The following ICA1 variants were observed in gnomAD, a reference collection of about 807,000 sequenced individuals.
ICA1 encodes the protein 69 kDa islet cell autoantigen.
ICA1 carries 40 observed loss-of-function variants against 71.0 expected under a neutral mutation model. That is an observed-to-expected ratio of 0.56 (90% CI 0.44 to 0.73). The LOEUF (loss-of-function observed/expected upper bound fraction) is 0.73, where lower values mean the gene tolerates loss of function less well. ICA1 is among the 30% of genes least tolerant of loss of function. The pLI is 0.00. For missense variants in ICA1, 578 were observed against 576.5 expected (o/e 1.00, Z -0.03); for synonymous variants, 207 against 209.5 (o/e 0.99, Z 0.10).
chr7:8,218,400 A>G lies in ICA1; in HGVS notation c.484T>C (p.Cys162Arg), dbSNP rs776544773. 1.9e-6 allele frequency: 3 copies of G among 1,614,036 alleles called. No individual in the cohort carries two copies. Among genetic ancestry groups the G allele is most frequent in the Non-Finnish European group, 1.7e-6 (2 of 1,179,998 alleles). ...AGTGCTCCTCTATATTCCGTCCTGCACTGTTCCATGCGGTTCACCGTCAGC... is the reference window on the plus strand; with the variant it reads ...AGTGCTCCTCTATATTCCGTCCTGCGCTGTTCCATGCGGTTCACCGTCAGC... ...TWLTVNRMEQ[C>R]RTEYRGALLW... Residue 162 changes from cysteine (C) to arginine (R), a missense_variant, in exon 6 of 14, where the codon TGC (cysteine) becomes CGC (arginine). Physicochemically the swap from Cys to Arg is radical, Grantham distance 180. Coordinates refer to ENST00000402384, the MANE Select transcript of ICA1 (RefSeq NM_001136020.3).
rs866995525 is a variant in ICA1 at position 8,170,090 on chromosome 7, T to G, written c.580-11438A>C. Among the ~76,000 whole-genome samples the G allele has an allele frequency of 3.3e-5, 5 of 152,184 alleles. No homozygotes were observed. The South Asian group carries it at 6.2e-4, about 19-fold the overall frequency. On this transcript the variant is annotated intron_variant, in intron 6 of 13. Transcript: ENST00000402384. Reference sequence around the variant, plus strand: ...GTGGGACAAAGATGTAGGCTCATTTTGTTTTTCCTCAATACGGATACCCAA... The same window carrying G: ...GTGGGACAAAGATGTAGGCTCATTTGGTTTTTCCTCAATACGGATACCCAA...
chr7:8,122,032 T>G, intron 13 of ICA1, among the ~76,000 whole-genome samples: 1 of 152,132 alleles, frequency 6.6e-6, no homozygotes. Context: ...CAAGGAAGGC[T>G]CCTCAGTGAG....
intron 1 of ICA1, among the ~76,000 whole-genome samples, chr7:8,242,206 A>G (rs931399562): frequency 1.3e-5 from 2 of 152,234 alleles, no homozygotes; most frequent in African/African-American, 4.8e-5. Flanking sequence ...ACAAGTCACA[A>G]CAAACTGTCT....
rs112044182 is a variant in ICA1, at chr7:8,242,427, G to GA, written c.-79-6423dup. Among the ~76,000 whole-genome samples, 695 of 152,282 alleles carry GA rather than the reference G, an allele frequency of 4.6e-3. 7 individuals carry two copies. Among genetic ancestry groups the GA allele is most frequent in the African/African-American group, 0.016 (676 of 41,554 alleles). On this transcript the variant is annotated intron_variant, in intron 1 of 13. Coordinates refer to ENST00000402384, the MANE Select transcript of ICA1 (RefSeq NM_001136020.3). Reference sequence around the variant, plus strand: ...ACACATTTAAAGCAGTGTATAGAGGGAAATTTATAGCACTAAGTGCCCACA... The same window carrying GA: ...ACACATTTAAAGCAGTGTATAGAGGGAAAATTTATAGCACTAAGTGCCCACA...
At position 8,222,465 on chromosome 7, in the gene ICA1, A is replaced by C. The variant is rs536341620; in HGVS notation, c.257-1067T>G. Among the ~76,000 whole-genome samples, 1 of 152,204 alleles carries C rather than the reference A, an allele frequency of 6.6e-6. No homozygotes were observed. The highest frequency in any genetic ancestry group is 1.5e-5 in the Non-Finnish European group (1 of 68,036). ...TCTCTAAAACTGCTTTCTAAATGCT[A>C]CTAGGATTCTTGTCAGCTTTCACAA... On this transcript the variant is annotated intron_variant, in intron 4 of 13. Coordinates refer to ENST00000402384, the MANE Select transcript of ICA1 (RefSeq NM_001136020.3). This position sits in a 1 kb window ranked among gnomAD's most constrained non-coding sequence, Gnocchi z 4.8.
At chr7:8,127,334 G>C (rs1245078240) in intron 13 of ICA1, among the ~76,000 whole-genome samples, 1 of 151,984 alleles carries the variant, frequency 6.6e-6, no homozygotes, top group Non-Finnish European at 1.5e-5. Context: ...TATTTTTTCT[G>C]TGGCTGAGGA....
chr7:8,152,731 C>CTCCTT (rs1562702441), intron 8 of ICA1, among the ~76,000 whole-genome samples: 7 of 149,066 alleles, frequency 4.7e-5, no homozygotes, highest in Non-Finnish European at 1.1e-4. Context: ...ACCATCACCA[C>CTCCTT]CACCACCACA....
chr7:8,169,400 T>C (rs933521212), intron 6 of ICA1, among the ~76,000 whole-genome samples: 10 of 152,264 alleles, frequency 6.6e-5, no homozygotes, highest in African/African-American at 2.2e-4. Context: ...TGCTAAATCA[T>C]ACAGTAAGTG....
At position 8,132,271 on chromosome 7, in the gene ICA1, C is replaced by A. The variant is rs1229414320; in HGVS notation, c.1061-4129G>T. 6.6e-6 allele frequency among the ~76,000 whole-genome samples: 1 copy of A among 152,184 alleles called. No individual in the cohort carries two copies. The highest frequency in any genetic ancestry group is 2.4e-5 in the African/African-American group (1 of 41,440). On this transcript the variant is annotated intron_variant, in intron 12 of 13. Coordinates refer to ENST00000402384, the MANE Select transcript of ICA1 (RefSeq NM_001136020.3). The surrounding 1 kb of genome is among the most constrained non-coding windows in gnomAD (Gnocchi z 4.5). ...GCTCTGTTCCCACCATTATTCAGAT[C>A]CAGCACCTTTAGTCTTTCATTTTCC...
At chr7:8,177,036 ACT>A (rs1412747457) in intron 6 of ICA1, among the ~76,000 whole-genome samples, 1 of 152,028 alleles carries the variant, frequency 6.6e-6, no homozygotes, top group Non-Finnish European at 1.5e-5. Context: ...TTCGTCTACT[ACT>A]CTCTTTCCTT....
At chr7:8,142,129 T>TA (rs910868829) in intron 9 of ICA1, 4 of 665,774 alleles carry the variant, frequency 6.0e-6, no homozygotes, top group Non-Finnish European at 9.0e-6. Context: ...AATTGATAGT[T>TA]AAAAAAACTG....
chr7:8,195,162 C>G (rs1294279132), intron 6 of ICA1, among the ~76,000 whole-genome samples: 1 of 152,134 alleles, frequency 6.6e-6, no homozygotes, highest in African/African-American at 2.4e-5. Context: ...CAAATTAAAA[C>G]AACAATGAGA....
chr7:8,238,269 A>G (rs1350451524), intron 1 of ICA1, among the ~76,000 whole-genome samples: 1 of 152,200 alleles, frequency 6.6e-6, no homozygotes, highest in Non-Finnish European at 1.5e-5. Flanking sequence ...GATGGTATGC[A>G]AGGGTCCCAC....
chr7:8,189,715 G>C (rs1784966808), intron 6 of ICA1, among the ~76,000 whole-genome samples: 2 of 152,050 alleles, frequency 1.3e-5, no homozygotes, highest in South Asian at 2.1e-4. Flanking sequence ...CAGGTGGGCA[G>C]CTGGCTCTGC....
In ICA1 at chr7:8,232,736, G is replaced by A. The variant is rs1800639286; in HGVS notation, c.37C>T (p.Gln13Ter). The change falls in exon 3 of 14, where the codon CAG (glutamine) becomes TAG (stop). Residue 13 changes from glutamine to a stop codon, truncating the protein, a stop_gained. Transcript: ENST00000402384. LOFTEE classifies it high-confidence loss of function. Reference sequence around the variant, plus strand: ...GACTTATCTTGAGCATATCGATCCTGTAAGTCCCAGGGATAACTGCTAAAA... The same window carrying A: ...GACTTATCTTGAGCATATCGATCCTATAAGTCCCAGGGATAACTGCTAAAA... The part of the protein sequence containing the change: ...GHKCSYPWDL[Q>*]DRYAQDKSVV... The A allele has an allele frequency of 1.2e-6, 2 of 1,601,062 alleles. No homozygotes were observed. Among genetic ancestry groups the A allele is most frequent in the East Asian group, 4.5e-5 (2 of 44,334 alleles).
Position 8,128,020 on chromosome 7 carries a change from C to T in ICA1, c.1183G>A (p.Ala395Thr), listed in dbSNP as rs1423942831. ...ACTTGGCCGTCTCCAAACACAGCGGCCCACTCTTTGCTGAACTCGCCCTCT... is the reference window on the plus strand; with the variant it reads ...ACTTGGCCGTCTCCAAACACAGCGGTCCACTCTTTGCTGAACTCGCCCTCT... ...LEEGEFSKEW[A>T]AVFGDGQVKE... The change falls in exon 13 of 14, where the codon GCC becomes ACC. Residue 395 changes from alanine to threonine, a missense_variant. Ala to Thr is a moderately conservative substitution (Grantham distance 58). Transcript: ENST00000402384. The T allele has an allele frequency of 6.2e-7, 1 of 1,614,102 alleles. No homozygotes were observed. Among genetic ancestry groups the T allele is most frequent in the African/African-American group, 1.3e-5 (1 of 74,930 alleles).
chr7:8,127,104 AC>A (rs569111292), intron 13 of ICA1, among the ~76,000 whole-genome samples: 207 of 151,942 alleles, frequency 1.4e-3, no homozygotes, highest in Non-Finnish European at 2.5e-3. Flanking sequence ...CTCCTGAGTA[AC>A]TAGGATTTGG....
At position 8,156,790 on chromosome 7, in the gene ICA1, G is replaced by C. The variant is rs1172357277; in HGVS notation, c.804+326C>G. Reference sequence around the variant, plus strand: ...TCTCCCCTTTAGCAATGTCAAACAAGTATTTTAAAGGAGCAGGACCAATCA... The same window carrying C: ...TCTCCCCTTTAGCAATGTCAAACAACTATTTTAAAGGAGCAGGACCAATCA... On this transcript the variant is annotated intron_variant, in intron 8 of 13. Coordinates refer to ENST00000402384, the MANE Select transcript of ICA1 (RefSeq NM_001136020.3). The C allele has an allele frequency of 4.1e-6, 6 of 1,451,792 alleles. No individual in the cohort carries two copies. The Admixed American group carries it at 1.2e-4, about 29-fold the overall frequency. 89.9% of individuals were successfully genotyped at this position (1,451,792 alleles called of 1,614,324 possible). A position where few individuals can be genotyped will look rare whatever the true frequency, so the allele number is the denominator to read the frequency against.
chr7:8,197,611 A>T (rs891417974), intron 6 of ICA1, among the ~76,000 whole-genome samples: 2 of 132,278 alleles, frequency 1.5e-5, no homozygotes, highest in Admixed American at 1.6e-4. Context: ...TAATAATAAT[A>T]ATAATGGAGT....
Sources: allele counts gnomAD v4.1 joint callset (sites outside exome capture counted in the v4.1 genomes callset), GRCh38; gene constraint gnomAD v4.1.1; non-coding constraint Gnocchi (gnomAD v3.1); transcripts MANE v1.5; gene names NCBI Gene and HGNC (gene_info 2026-07-23, HGNC 2026-07-21).